MBP: variants seen among roughly 807,000 people sequenced by gnomAD.
MBP encodes the protein Golli-MBP.
MBP carries 16 observed loss-of-function variants against 35.8 expected under a neutral mutation model. The observed-to-expected ratio is 0.45, with a 90% CI of 0.30 to 0.68. The LOEUF (loss-of-function observed/expected upper bound fraction) is 0.68, where lower values mean the gene tolerates loss of function less well. Ranked by LOEUF, MBP falls within the 30% of genes least tolerant of loss-of-function variation. The pLI, the probability that MBP is intolerant of heterozygous loss-of-function variation, is 0.08. For synonymous variants in MBP, 143 were observed against 159.6 expected, an observed-to-expected ratio of 0.90 and a Z score of 0.78; for missense variants, 380 against 404.7, an observed-to-expected ratio of 0.94 and a Z score of 0.52.
Position 76,988,695 on chromosome 18 carries a change from T to G in MBP, c.718-168A>C, listed in dbSNP as rs1599473752. The G allele has an allele frequency of 7.2e-7, 1 of 1,393,066 alleles. No homozygotes were observed. 86.3% of individuals were successfully genotyped at this position (1,393,066 alleles called of 1,614,324 possible). On this transcript the variant is annotated intron_variant, in intron 6 of 8. Coordinates refer to ENST00000355994, the MANE Select transcript of MBP (RefSeq NM_001025101.2). This position sits in a 1 kb window ranked among gnomAD's most constrained non-coding sequence, Gnocchi z 5.2. ...CTCAGGGCCACAGCGGCTGTGCAGG[T>G]GCGGGAGGGACAGGAGGGGTGCATG...
chr18:76,979,795 G>A lies in MBP; in HGVS notation c.*632C>T, dbSNP rs1029844167. 2.0e-5 allele frequency: 12 copies of A among 599,806 alleles called. No homozygotes were observed. Among genetic ancestry groups the A allele is most frequent in the African/African-American group, 1.1e-4 (6 of 53,638 alleles). The allele number at this position is 599,806 out of a possible 1,614,324, so 37.2% of individuals were successfully genotyped here. On this transcript the variant is annotated 3_prime_UTR_variant, in exon 9 of 9. Transcript: ENST00000355994. The stretch of plus-strand genomic sequence containing the variant: ...CTAATTGGGGTGTGTGGGCAGCCAC[G>A]GCCTGGGGAGGTGGCCCCCTCTCTG...
chr18:77,114,232 T>C (rs879552317), intron 1 of MBP: 1 of 152,210 alleles, frequency 6.6e-6, no homozygotes, highest in Non-Finnish European at 1.5e-5. Flanking sequence ...CAAAAATCAC[T>C]TTAAAAGAAA....
rs1440564432 is a variant in MBP, at chr18:77,131,093, A to G, written c.-26+1487T>C. ...CACGCGCGCACGCACGCGCACACAC[A>G]CACACACACACACACACACACACAC... On this transcript the variant is annotated intron_variant, in intron 1 of 8. Transcript: ENST00000355994. The surrounding 1 kb of genome is among the most constrained non-coding windows in gnomAD (Gnocchi z 5.5). Among the ~76,000 whole-genome samples, 782 of 57,794 alleles carry G rather than the reference A, an allele frequency of 0.014. 27 individuals are homozygous for G. In the South Asian group the frequency reaches 0.23, roughly 17 times the overall value. The allele number at this position is 57,794 out of a possible 152,430, so 37.9% of individuals were successfully genotyped here.
At position 77,029,003 on chromosome 18, in the gene MBP, C is replaced by T. The variant is rs1202693544; in HGVS notation, c.140-11735G>A. On this transcript the variant is annotated intron_variant, in intron 3 of 8. Coordinates refer to ENST00000355994, the MANE Select transcript of MBP (RefSeq NM_001025101.2). Reference sequence around the variant, plus strand: ...GCAGAGACGCTCCTCACTTCCCAGACGGGGTGGCGGCCGGGCAGAGGCTGC... The same window carrying T: ...GCAGAGACGCTCCTCACTTCCCAGATGGGGTGGCGGCCGGGCAGAGGCTGC... Among the ~76,000 whole-genome samples, 4 of 108,364 alleles carry T rather than the reference C, an allele frequency of 3.7e-5. 1 individual carries two copies. The East Asian group carries it at 1.1e-3, about 30-fold the overall frequency. 71.1% of individuals were successfully genotyped at this position (108,364 alleles called of 152,430 possible).
chr18:76,997,807 C>A (rs1337013495), intron 4 of MBP, among the ~76,000 whole-genome samples: 1 of 151,296 alleles, frequency 6.6e-6, no homozygotes, highest in Non-Finnish European at 1.5e-5. Flanking sequence ...CTCAACCTCC[C>A]GAGTAGCTGG....
chr18:77,064,256 C>T (rs952485841), intron 3 of MBP, among the ~76,000 whole-genome samples: 3 of 152,162 alleles, frequency 2.0e-5, no homozygotes, highest in South Asian at 2.1e-4. Context: ...GTCTATTCTA[C>T]GAAACCCTAA....
chr18:77,068,016 C>CGTGTGTGTGT (rs56090018), intron 2 of MBP, among the ~76,000 whole-genome samples: 4,029 of 149,674 alleles, frequency 0.027, 68 homozygotes, highest in South Asian at 0.05. Flanking sequence ...CCCTCCATCC[C>CGTGTGTGTGT]GTGTGTGTGT....
chr18:77,013,025 C>T (rs1971436434), intron 4 of MBP: 2 of 985,338 alleles, frequency 2.0e-6, no homozygotes, highest in African/African-American at 1.7e-5. Flanking sequence ...ACAACTGCAG[C>T]TCCTGAGACC....
chr18:77,040,710 G>A (rs1972956732), intron 3 of MBP, among the ~76,000 whole-genome samples: 1 of 152,116 alleles, frequency 6.6e-6, no homozygotes, highest in South Asian at 2.1e-4. Flanking sequence ...AATGGTGCTG[G>A]GAAAACTGGC....
Position 76,988,037 on chromosome 18 carries a change from GC to G in MBP, c.750+457del. 7.1e-7 allele frequency: 1 copy of G among 1,398,668 alleles called. No homozygotes were observed. Among genetic ancestry groups the G allele is most frequent in the Non-Finnish European group, 9.3e-7 (1 of 1,075,734 alleles). The allele number at this position is 1,398,668 out of a possible 1,614,324, so 86.6% of individuals were successfully genotyped here. ...ATTATAAATCGAGCAACTCTATTTA[GC>G]CTCTTTTTCTGTTCATCAGCAGAAT... On this transcript the variant is annotated intron_variant, in intron 7 of 8. Coordinates refer to ENST00000355994, the MANE Select transcript of MBP (RefSeq NM_001025101.2). This position sits in a 1 kb window ranked among gnomAD's most constrained non-coding sequence, Gnocchi z 5.2.
chr18:77,052,908 G>T (rs115460442), intron 3 of MBP, among the ~76,000 whole-genome samples: 1,753 of 152,302 alleles, frequency 0.012, 35 homozygotes, highest in African/African-American at 0.04. Context: ...TGGGCGCTGT[G>T]CCCTTGCCGT....
At chr18:77,091,867 G>A (rs980897151) in intron 2 of MBP, among the ~76,000 whole-genome samples, 2 of 151,810 alleles carry the variant, frequency 1.3e-5, no homozygotes, top group Admixed American at 1.3e-4. Context: ...ATGTACACAC[G>A]TGCACATACC....
intron 3 of MBP, among the ~76,000 whole-genome samples, chr18:77,024,594 C>G (rs12608398): frequency 0.25 from 38,470 of 152,252 alleles, 5,974 homozygotes; most frequent in Non-Finnish European, 0.33. Context: ...CTTCCACAAG[C>G]CCCAGGCCCT....
intron 4 of MBP, chr18:77,009,882 G>C: frequency 6.3e-7 from 1 of 1,595,330 alleles, no homozygotes; most frequent in Non-Finnish European, 8.5e-7. Context: ...GCTGGCTGCG[G>C]GCATGAGAGG....
In MBP at chr18:76,988,613, A is replaced by G; in HGVS notation, c.718-86T>C. 2 of 1,548,464 alleles carry G rather than the reference A, an allele frequency of 1.3e-6. No homozygotes were observed. Among genetic ancestry groups the G allele is most frequent in the Non-Finnish European group, 1.7e-6 (2 of 1,150,360 alleles). On this transcript the variant is annotated intron_variant, in intron 6 of 8. Transcript: ENST00000355994. The surrounding 1 kb of genome is among the most constrained non-coding windows in gnomAD (Gnocchi z 5.2). ...TCAACAGGAAACACAGTCAAAGCAC[A>G]GTGGAGCTGAGGTGGTAAAAACAGG... is the stretch of plus-strand genomic sequence containing the variant.
intron 4 of MBP, chr18:77,014,114 A>G (rs1282877204): frequency 2.0e-6 from 2 of 985,372 alleles, no homozygotes; most frequent in East Asian, 1.1e-4. Context: ...ACAAAGGAGC[A>G]TGTTCTCCGT....
chr18:77,048,235 G>A (rs1457913636), intron 3 of MBP, among the ~76,000 whole-genome samples: 1 of 152,224 alleles, frequency 6.6e-6, no homozygotes, highest in Non-Finnish European at 1.5e-5. Context: ...ACCCGAAAGA[G>A]GACCTTGGGC....
At chr18:77,130,650 A>G (rs1977210763) in intron 1 of MBP, among the ~76,000 whole-genome samples, 1 of 152,080 alleles carries the variant, frequency 6.6e-6, no homozygotes, top group African/African-American at 2.4e-5. Context: ...AAATTCAGGC[A>G]GAAATAGAAA....
rs1197952743 is a variant in MBP, at chr18:77,044,716, TTAA to T, written c.139+21579_139+21581del. ...ATAAACAAAGTCAGATCTGAAATGC[TTAA>T]AAGCAAATTAAACTTAACTCATAAA... On this transcript the variant is annotated intron_variant, in intron 3 of 8. Coordinates refer to ENST00000355994, the MANE Select transcript of MBP (RefSeq NM_001025101.2). This position sits in a 1 kb window ranked among gnomAD's most constrained non-coding sequence, Gnocchi z 4.4. Among the ~76,000 whole-genome samples the T allele has an allele frequency of 6.6e-6, 1 of 152,186 alleles. No homozygotes were observed. The highest frequency in any genetic ancestry group is 1.5e-5 in the Non-Finnish European group (1 of 68,036).
Sources: gnomAD v4.1 joint callset for allele counts (sites outside exome capture counted in the v4.1 genomes callset) on GRCh38, gnomAD v4.1.1 for gene constraint, Gnocchi (gnomAD v3.1) non-coding constraint, MANE v1.5 for transcripts, NCBI Gene and HGNC (gene_info 2026-07-23, HGNC 2026-07-21) for gene names.